The following RBM20 variants were observed in gnomAD, a reference collection of about 807,000 sequenced individuals.
RBM20 encodes RNA binding motif protein 20.
A neutral mutation model predicts 110.1 loss-of-function variants in RBM20; 51 were observed. That is an observed-to-expected ratio of 0.46 (90% confidence interval 0.37 to 0.59). The LOEUF is 0.59. Ranked by LOEUF, RBM20 falls within the 20% of genes least tolerant of loss-of-function variation. The pLI is 0.00. For synonymous variants in RBM20, 589 were observed against 618.2 expected (o/e 0.95, Z 0.70); for missense variants, 1,512 against 1,574.9 (o/e 0.96, Z 0.68).
rs191375657 is a variant in RBM20 at position 110,657,119 on chromosome 10, C to T, written c.191+12474C>T. Among the ~76,000 whole-genome samples, 1,016 of 151,894 alleles carry T rather than the reference C, an allele frequency of 6.7e-3. 4 individuals are homozygous for T. Among genetic ancestry groups the T allele is most frequent in the Middle Eastern group, 0.01 (3 of 292 alleles). ...GCAACCTCTTCCTCCCGGGTTCAAG[C>T]GATTCTCCTGTCTCAGCCTCCCAAG... On this transcript the variant is annotated intron_variant, in intron 1 of 13. Transcript: ENST00000369519.
At chr10:110,742,751 A>G (rs2076537514) in intron 1 of RBM20, among the ~76,000 whole-genome samples, 1 of 152,230 alleles carries the variant, frequency 6.6e-6, no homozygotes, top group South Asian at 2.1e-4. Flanking sequence ...CACCTGTTTC[A>G]AAAGCACCTA....
intron 1 of RBM20, among the ~76,000 whole-genome samples, chr10:110,684,885 T>C (rs545462093): frequency 4.5e-4 from 68 of 152,334 alleles, no homozygotes; most frequent in African/African-American, 1.5e-3. Flanking sequence ...CCGCCGGCCC[T>C]GCCCTGCCAC....
chr10:110,647,258 CTAA>C (rs1332143596), intron 1 of RBM20, among the ~76,000 whole-genome samples: 5 of 152,186 alleles, frequency 3.3e-5, no homozygotes, highest in Non-Finnish European at 5.9e-5. Context: ...AGCGTGATGA[CTAA>C]TAATGAGACT....
At chr10:110,767,221 C>A (rs1844108513) in intron 1 of RBM20, among the ~76,000 whole-genome samples, 1 of 138,858 alleles carries the variant, frequency 7.2e-6, no homozygotes, top group African/African-American at 2.7e-5. Flanking sequence ...GGGCTGACCC[C>A]CCCACCTCCC....
At chr10:110,687,247 A>G (rs1015759173) in intron 1 of RBM20, among the ~76,000 whole-genome samples, 1 of 152,202 alleles carries the variant, frequency 6.6e-6, no homozygotes, top group South Asian at 2.1e-4. Context: ...GGCCCAAATT[A>G]TATTTTCCTT....
In RBM20 at chr10:110,752,947, T is replaced by TATA. The variant is rs1564835271; in HGVS notation, c.192-27854_192-27853insATA. ...TATATATATATATATATATATATAT[T>TATA]TTTTTTTTTTTTATGAAGTCTCCCT... On this transcript the variant is annotated intron_variant, in intron 1 of 13. Transcript: ENST00000369519. 8.4e-3 allele frequency among the ~76,000 whole-genome samples: 771 copies of TATA among 91,380 alleles called. 3 individuals carry two copies. The highest frequency in any genetic ancestry group is 0.054 in the East Asian group (113 of 2,100). 59.9% of individuals were successfully genotyped at this position (91,380 alleles called of 152,430 possible).
intron 1 of RBM20, among the ~76,000 whole-genome samples, chr10:110,711,746 T>G (rs1232289392): frequency 6.6e-6 from 1 of 152,254 alleles, no homozygotes; most frequent in African/African-American, 2.4e-5. Flanking sequence ...GATTTATTCA[T>G]GCATTTATCC....
At chr10:110,715,457 G>T (rs757684068) in intron 1 of RBM20, among the ~76,000 whole-genome samples, 5 of 152,092 alleles carry the variant, frequency 3.3e-5, no homozygotes, top group Non-Finnish European at 5.9e-5. Context: ...GATGGCTCAG[G>T]CCATCAAATG....
chr10:110,727,862 T>G (rs1420690356), intron 1 of RBM20, among the ~76,000 whole-genome samples: 1 of 152,228 alleles, frequency 6.6e-6, no homozygotes, highest in Non-Finnish European at 1.5e-5. Flanking sequence ...TCATGTGTTC[T>G]CATTGTTTAA....
intron 1 of RBM20, among the ~76,000 whole-genome samples, chr10:110,661,126 A>G (rs1376129415): frequency 6.6e-6 from 1 of 152,182 alleles, no homozygotes; most frequent in African/African-American, 2.4e-5. Flanking sequence ...ACTATAGGTA[A>G]AAATACTGAC....
At chr10:110,668,177 C>T (rs1862207076) in intron 1 of RBM20, among the ~76,000 whole-genome samples, 1 of 152,110 alleles carries the variant, frequency 6.6e-6, no homozygotes, top group African/African-American at 2.4e-5. Flanking sequence ...TTAGATCCCC[C>T]TAACTCAATT....
intron 1 of RBM20, among the ~76,000 whole-genome samples, chr10:110,742,418 G>A (rs1467174547): frequency 6.6e-6 from 1 of 152,292 alleles, no homozygotes; most frequent in African/African-American, 2.4e-5. Context: ...CTTGGACTTG[G>A]ACAGTTTTGC....
intron 9 of RBM20, 73 bp downstream of exon 9, chr10:110,813,020 G>T: frequency 9.3e-7 from 1 of 1,077,586 alleles, no homozygotes; most frequent in Non-Finnish European, 1.3e-6. Context: ...ATATAATGAG[G>T]ATGAACGTTT....
chr10:110,823,958 C>G (rs530930215), intron 12 of RBM20, among the ~76,000 whole-genome samples: 18 of 151,660 alleles, frequency 1.2e-4, no homozygotes, highest in Middle Eastern at 3.4e-3. Context: ...ACCTCCTGGG[C>G]TTAAGTGATC....
intron 1 of RBM20, among the ~76,000 whole-genome samples, chr10:110,678,009 G>A (rs1204347837): frequency 1.3e-5 from 2 of 152,218 alleles, no homozygotes; most frequent in African/African-American, 2.4e-5. Context: ...CTTAGGTGCT[G>A]AGTGATGAAT....
Position 110,644,506 on chromosome 10 carries a change from C to T in RBM20, c.52C>T (p.Gln18Ter). 6.6e-7 allele frequency: 1 copy of T among 1,526,430 alleles called. No homozygotes were observed. 94.6% of individuals were successfully genotyped at this position (1,526,430 alleles called of 1,614,324 possible). ...GGACGCGGACCCCAGCGGTCCGGAG[C>T]AGCCGGACAGAGTTGCCTGCAGTGT... ...SQDADPSGPE[Q>*]PDRVACSVPG... The change falls in exon 1 of 14, where the codon CAG (glutamine) becomes TAG (stop). Residue 18 changes from glutamine (Q) to a stop codon, truncating the protein, a stop_gained. Transcript: ENST00000369519. LOFTEE classifies it high-confidence loss of function. The surrounding 1 kb of genome is among the most constrained non-coding windows in gnomAD (Gnocchi z 4.3).
At position 110,659,904 on chromosome 10, in the gene RBM20, T is replaced by A. The variant is rs148667858; in HGVS notation, c.191+15259T>A. ...GACAGGGCCTTACTCTCACCCAGAC[T>A]AGAGTGCATACTGATCCTCCCACCT... On this transcript the variant is annotated intron_variant, in intron 1 of 13. Coordinates refer to ENST00000369519, the MANE Select transcript of RBM20 (RefSeq NM_001134363.3). 2.4e-3 allele frequency among the ~76,000 whole-genome samples: 367 copies of A among 150,906 alleles called. 2 individuals are homozygous for A. The highest frequency in any genetic ancestry group is 8.5e-3 in the African/African-American group (348 of 41,146).
At chr10:110,775,677 G>C (rs147237629) in intron 1 of RBM20, among the ~76,000 whole-genome samples, 4 of 152,210 alleles carry the variant, frequency 2.6e-5, no homozygotes, top group Non-Finnish European at 5.9e-5. Context: ...CCAACTACTG[G>C]GTCCTCACAG....
intron 1 of RBM20, among the ~76,000 whole-genome samples, chr10:110,749,723 T>G (rs1408367873): frequency 3.3e-5 from 5 of 152,104 alleles, no homozygotes; most frequent in Non-Finnish European, 5.9e-5. Context: ...AATTTAATAC[T>G]AGATAACAGT....
Sources: gnomAD v4.1 joint callset for allele counts (sites outside exome capture counted in the v4.1 genomes callset) on GRCh38, gnomAD v4.1.1 for gene constraint, Gnocchi (gnomAD v3.1) non-coding constraint, MANE v1.5 for transcripts, NCBI Gene and HGNC (gene_info 2026-07-23, HGNC 2026-07-21) for gene names.